The following TTC28 variants were observed in gnomAD, a reference collection of about 807,000 sequenced individuals.
TTC28 encodes tetratricopeptide repeat protein 28.
A neutral mutation model predicts 198.0 loss-of-function variants in TTC28; 61 were observed. That is an observed-to-expected ratio of 0.31 (90% CI 0.25 to 0.38). The LOEUF (loss-of-function observed/expected upper bound fraction) is 0.38. TTC28 is among the 10% of genes least tolerant of loss of function. TTC28 has a pLI of 1.00. For synonymous variants in TTC28, 1,171 were observed against 1,297.8 expected (o/e 0.90, Z 2.10); for missense variants, 2,678 against 3,164.0 (o/e 0.85, Z 3.69).
chr22:28,239,459 A>G (rs1278600622), intron 5 of TTC28, among the ~76,000 whole-genome samples: 4 of 152,210 alleles, frequency 2.6e-5, no homozygotes, highest in Non-Finnish European at 5.9e-5. Context: ...CACAGGGTAG[A>G]TAACTAACCT....
At chr22:28,411,257 A>G (rs1371833811) in intron 2 of TTC28, among the ~76,000 whole-genome samples, 1 of 152,202 alleles carries the variant, frequency 6.6e-6, no homozygotes, top group Non-Finnish European at 1.5e-5. Flanking sequence ...CAGCTTTCAG[A>G]GTGAATAACA....
intron 2 of TTC28, among the ~76,000 whole-genome samples, chr22:28,452,787 T>C (rs955463048): frequency 6.6e-6 from 1 of 152,320 alleles, no homozygotes; most frequent in East Asian, 1.9e-4. Flanking sequence ...TGGTGGAATA[T>C]AAAGAATATC....
At chr22:28,624,124 T>C (rs2051041320) in intron 2 of TTC28, among the ~76,000 whole-genome samples, 1 of 152,136 alleles carries the variant, frequency 6.6e-6, no homozygotes, top group African/African-American at 2.4e-5. Context: ...TGAATAGAAT[T>C]GATAAATCTC....
intron 2 of TTC28, among the ~76,000 whole-genome samples, chr22:28,585,663 AT>A (rs772686100): frequency 3.3e-5 from 5 of 152,164 alleles, no homozygotes; most frequent in Non-Finnish European, 7.4e-5. Context: ...CCTTATCTAC[AT>A]TTTATAGAAA....
At chr22:28,614,517 G>A (rs1011909818) in intron 2 of TTC28, among the ~76,000 whole-genome samples, 9 of 152,180 alleles carry the variant, frequency 5.9e-5, no homozygotes, top group East Asian at 3.9e-4. Flanking sequence ...CAAACCTGGC[G>A]GCATCACACT....
chr22:28,456,531 A>C (rs16986449), intron 2 of TTC28, among the ~76,000 whole-genome samples: 2,447 of 152,242 alleles, frequency 0.016, 86 homozygotes, highest in African/African-American at 0.057. Flanking sequence ...TTCCTCCCCC[A>C]AAAAAGGTTA....
intron 3 of TTC28, among the ~76,000 whole-genome samples, chr22:28,305,374 G>GAAGAGAGAGGTTTTCTTA (rs1254560796): frequency 6.6e-5 from 10 of 152,096 alleles, no homozygotes; most frequent in African/African-American, 2.2e-4. Flanking sequence ...AAAATCGCAT[G>GAAGAGAGAGGTTTTCTTA]ACACTTTCTT....
chr22:28,062,339 G>C (rs1015896485), intron 12 of TTC28, among the ~76,000 whole-genome samples: 2 of 151,652 alleles, frequency 1.3e-5, no homozygotes, highest in Middle Eastern at 3.5e-3. Context: ...GGGACTACAG[G>C]CATGAGCTGC....
intron 5 of TTC28, among the ~76,000 whole-genome samples, chr22:28,282,782 G>A (rs2145739358): frequency 6.6e-6 from 1 of 152,212 alleles, no homozygotes; most frequent in South Asian, 2.1e-4. Context: ...TGTTATGACT[G>A]AAAGAGAAGA....
At chr22:28,069,744 C>G (rs1601585123) in intron 12 of TTC28, among the ~76,000 whole-genome samples, 1 of 152,020 alleles carries the variant, frequency 6.6e-6, no homozygotes, top group Admixed American at 6.6e-5. Flanking sequence ...AATTATCTAT[C>G]CCTTTTCAAC....
chr22:28,640,042 C>T (rs539132870), intron 1 of TTC28, among the ~76,000 whole-genome samples: 21 of 152,098 alleles, frequency 1.4e-4, no homozygotes, highest in African/African-American at 5.1e-4. Flanking sequence ...TGCAGTGGCT[C>T]AAGTCTGTAA....
At chr22:28,513,465 A>C (rs2048723240) in intron 2 of TTC28, among the ~76,000 whole-genome samples, 1 of 152,176 alleles carries the variant, frequency 6.6e-6, no homozygotes, top group African/African-American at 2.4e-5. Context: ...GGCCAGGCTC[A>C]ATGGCTCACA....
At position 27,982,080 on chromosome 22, in the gene TTC28, C is replaced by T. The variant is rs575309711; in HGVS notation, c.*141G>A. On this transcript the variant is annotated 3_prime_UTR_variant, in exon 23 of 23. Coordinates refer to ENST00000397906, the MANE Select transcript of TTC28 (RefSeq NM_001145418.2). This position sits in a 1 kb window ranked among gnomAD's most constrained non-coding sequence, Gnocchi z 5.2. Reference sequence around the variant, plus strand: ...ACCAGTGTGTGTGGCAGCCTTTGGACGTGGTGGTGCCCCTCGCCTGCAGAG... The same window carrying T: ...ACCAGTGTGTGTGGCAGCCTTTGGATGTGGTGGTGCCCCTCGCCTGCAGAG... 46 of 849,392 alleles carry T rather than the reference C, an allele frequency of 5.4e-5. 1 individual carries two copies. Among genetic ancestry groups the T allele is most frequent in the African/African-American group, 5.2e-4 (30 of 58,144 alleles). The allele number at this position is 849,392 out of a possible 1,614,324, so 52.6% of individuals were successfully genotyped here.
At chr22:27,992,100 CAGG>C (rs1937435555) in intron 19 of TTC28, among the ~76,000 whole-genome samples, 1 of 152,224 alleles carries the variant, frequency 6.6e-6, no homozygotes, top group East Asian at 1.9e-4. Flanking sequence ...GGACAAGGTT[CAGG>C]AGACCACCGA....
rs142730476 is a variant in TTC28 at position 28,238,064 on chromosome 22, G to A, written c.933+58134C>T. ...CATTTATTTTCAGTAGTTTGATTAT[G>A]TTGTGCCTAGTTGTGACTTACTTTA... On this transcript the variant is annotated intron_variant, in intron 5 of 22. Transcript: ENST00000397906. Among the ~76,000 whole-genome samples the A allele has an allele frequency of 1.7e-3, 258 of 152,156 alleles. 2 individuals are homozygous for A. Among genetic ancestry groups the A allele is most frequent in the African/African-American group, 6.0e-3 (251 of 41,530 alleles).
At chr22:28,134,389 C>T (rs1031420238) in intron 6 of TTC28, among the ~76,000 whole-genome samples, 1 of 152,128 alleles carries the variant, frequency 6.6e-6, no homozygotes, top group Admixed American at 6.5e-5. Flanking sequence ...GAGAAGAAGG[C>T]GTCAGACAAT....
chr22:28,300,517 G>A (rs1200518061), intron 3 of TTC28, among the ~76,000 whole-genome samples: 1 of 151,986 alleles, frequency 6.6e-6, no homozygotes, highest in Non-Finnish European at 1.5e-5. Flanking sequence ...TGATGAAAGA[G>A]AAGTAAAAGA....
At chr22:28,498,139 TAAA>T (rs544196151) in intron 2 of TTC28, among the ~76,000 whole-genome samples, 1 of 139,414 alleles carries the variant, frequency 7.2e-6, no homozygotes. Context: ...AGCCTTCCGT[TAAA>T]AAAAAAAAAA....
chr22:28,197,779 T>C lies in TTC28; in HGVS notation c.934-34180A>G, dbSNP rs374208125. 1.8e-4 allele frequency among the ~76,000 whole-genome samples: 28 copies of C among 151,908 alleles called. No individual in the cohort carries two copies. The South Asian group carries it at 3.7e-3, about 20-fold the overall frequency. On this transcript the variant is annotated intron_variant, in intron 5 of 22. Transcript: ENST00000397906. ...TGTGTAATCCCAGCACTTTGGGAGA[T>C]TGAGGTAGGAGGATCTTTCGAGGAA...
Sources: allele counts gnomAD v4.1 joint callset (sites outside exome capture counted in the v4.1 genomes callset), GRCh38; gene constraint gnomAD v4.1.1; non-coding constraint Gnocchi (gnomAD v3.1); transcripts MANE v1.5; gene names NCBI Gene and HGNC (gene_info 2026-07-23, HGNC 2026-07-21).